Variants in DCDC1 observed in about 807,000 individuals in gnomAD.
DCDC1 encodes doublecortin domain-containing protein 1.
In DCDC1, 200 loss-of-function variants were observed where a neutral mutation model predicts 178.3. That is an observed-to-expected ratio of 1.12 (90% CI 1.00 to 1.26). The LOEUF (loss-of-function observed/expected upper bound fraction) is 1.26, where lower values mean the gene tolerates loss of function less well. Among genes scored for constraint, DCDC1 ranks in the 50% most tolerant of loss-of-function variants. DCDC1 has a pLI of 0.00. For synonymous variants in DCDC1, 690 were observed against 604.8 expected, an observed-to-expected ratio of 1.14 and a Z score of -2.07; for missense variants, 1,983 against 1,749.2, an observed-to-expected ratio of 1.13 and a Z score of -2.38.
At chr11:31,212,536 T>TA (rs972399695) in intron 9 of DCDC1, among the ~76,000 whole-genome samples, 3 of 152,098 alleles carry the variant, frequency 2.0e-5, no homozygotes, top group Non-Finnish European at 4.4e-5. Flanking sequence ...GGTGAATTAT[T>TA]AAAAAAATAC....
At chr11:31,152,295 G>C (rs1220645764) in intron 9 of DCDC1, among the ~76,000 whole-genome samples, 1 of 152,116 alleles carries the variant, frequency 6.6e-6, no homozygotes, top group African/African-American at 2.4e-5. Context: ...CATTCCATTG[G>C]AGAGAGCTTA....
intron 1 of DCDC1, among the ~76,000 whole-genome samples, chr11:31,339,299 G>C (rs1169847647): frequency 2.0e-5 from 3 of 152,158 alleles, no homozygotes; most frequent in East Asian, 1.9e-4. Flanking sequence ...TAAGTCATAA[G>C]GGTGGACTCT....
At chr11:31,061,281 A>ACT (rs1235159743) in intron 20 of DCDC1, among the ~76,000 whole-genome samples, 1 of 152,022 alleles carries the variant, frequency 6.6e-6, no homozygotes, top group African/African-American at 2.4e-5. Context: ...AGGGTAAAGG[A>ACT]CTCCTTTGGA....
intron 20 of DCDC1, among the ~76,000 whole-genome samples, chr11:30,965,039 C>T (rs1949345556): frequency 6.6e-6 from 1 of 152,102 alleles, no homozygotes; most frequent in Non-Finnish European, 1.5e-5. Flanking sequence ...TGGCTTGGAG[C>T]CTGAAGACAG....
intron 20 of DCDC1, among the ~76,000 whole-genome samples, chr11:30,963,258 C>A (rs775261651): frequency 6.6e-6 from 1 of 152,072 alleles, no homozygotes; most frequent in African/African-American, 2.4e-5. Context: ...ACATATGATT[C>A]TTCGAGTAAA....
chr11:30,939,161 T>C (rs2134374169), intron 21 of DCDC1, among the ~76,000 whole-genome samples: 1 of 152,250 alleles, frequency 6.6e-6, no homozygotes, highest in African/African-American at 2.4e-5. Context: ...ATGCACGAGG[T>C]TGCCTGGTTG....
At chr11:31,048,773 C>G (rs1955041249) in intron 20 of DCDC1, among the ~76,000 whole-genome samples, 1 of 152,082 alleles carries the variant, frequency 6.6e-6, no homozygotes, top group East Asian at 1.9e-4. Context: ...AGGAGAACGG[C>G]GTGAACCCGG....
intron 9 of DCDC1, among the ~76,000 whole-genome samples, chr11:31,215,489 C>G (rs1973425101): frequency 6.6e-6 from 1 of 152,078 alleles, no homozygotes; most frequent in Non-Finnish European, 1.5e-5. Context: ...TCAGCTACTT[C>G]TCTGCCTAAA....
chr11:31,139,689 T>C (rs1239046579), intron 9 of DCDC1, among the ~76,000 whole-genome samples: 1 of 152,108 alleles, frequency 6.6e-6, no homozygotes, highest in Non-Finnish European at 1.5e-5. Flanking sequence ...GCCATGACAT[T>C]TAGAACTGCT....
At chr11:30,869,878 C>T (rs1309337135) in intron 38 of DCDC1, among the ~76,000 whole-genome samples, 2 of 152,006 alleles carry the variant, frequency 1.3e-5, no homozygotes, top group Non-Finnish European at 2.9e-5. Context: ...GCCACTTAAG[C>T]TCTTTAAGTG....
At chr11:31,126,215 A>C (rs1320158676) in intron 11 of DCDC1, among the ~76,000 whole-genome samples, 2 of 152,160 alleles carry the variant, frequency 1.3e-5, no homozygotes, top group African/African-American at 4.8e-5. Flanking sequence ...TCCTTCTAGA[A>C]AACAACCACT....
intron 2 of DCDC1, among the ~76,000 whole-genome samples, chr11:31,328,537 A>G (rs773988179): frequency 9.9e-5 from 15 of 152,120 alleles, no homozygotes; most frequent in Non-Finnish European, 1.6e-4. Context: ...AGTGGCTCAC[A>G]CCTGTAATCC....
chr11:30,920,685 G>T, intron 25 of DCDC1, 91 bp downstream of exon 25: 1 of 1,458,086 alleles, frequency 6.9e-7, no homozygotes, highest in African/African-American at 1.4e-5. Context: ...CTTGGCATGA[G>T]CTCCCTGCAT....
chr11:30,882,181 G>C (rs1942745460), intron 36 of DCDC1: 1 of 152,160 alleles, frequency 6.6e-6, no homozygotes, highest in African/African-American at 2.4e-5. Flanking sequence ...CTCACAACAA[G>C]GCAGAATGGC....
At chr11:30,904,872 C>T in intron 31 of DCDC1, 89 bp downstream of exon 31, 1 of 1,463,854 alleles carries the variant, frequency 6.8e-7, no homozygotes, top group East Asian at 2.3e-5. Context: ...GGACATTTAT[C>T]ACTCAATCCC....
intron 36 of DCDC1, among the ~76,000 whole-genome samples, chr11:30,888,374 G>A (rs1307227807): frequency 6.6e-6 from 1 of 152,140 alleles, no homozygotes; most frequent in African/African-American, 2.4e-5. Flanking sequence ...AAAAATAGAC[G>A]TTTTCAGTAC....
intron 2 of DCDC1, among the ~76,000 whole-genome samples, chr11:31,329,445 C>T (rs902698726): frequency 5.3e-5 from 8 of 151,928 alleles, no homozygotes; most frequent in Non-Finnish European, 1.0e-4. Flanking sequence ...ATGTGCATAA[C>T]GTGCAGGATT....
intron 20 of DCDC1, among the ~76,000 whole-genome samples, chr11:30,977,170 G>C (rs576191996): frequency 1.3e-5 from 2 of 151,198 alleles, no homozygotes; most frequent in African/African-American, 4.9e-5. Context: ...ACCAGAGACT[G>C]GAAAAGGTGT....
chr11:31,368,068 C>A (rs953214385), intron 1 of DCDC1, among the ~76,000 whole-genome samples: 1 of 151,968 alleles, frequency 6.6e-6, no homozygotes, highest in African/African-American at 2.4e-5. Context: ...TTTCAATTAA[C>A]CGTGGAAATG....
Sources: gnomAD v4.1 joint callset for allele counts (sites outside exome capture counted in the v4.1 genomes callset) on GRCh38, gnomAD v4.1.1 for gene constraint, MANE v1.5 for transcripts, NCBI Gene and HGNC (gene_info 2026-07-23, HGNC 2026-07-21) for gene names.